Variants in RSF1 observed in about 807,000 individuals in gnomAD.
RSF1 encodes HBV pX-associated protein 8.
Under a neutral mutation model 145.2 loss-of-function variants are expected in RSF1, and 13 were observed. That is an observed-to-expected ratio of 0.09 (90% CI 0.06 to 0.14). RSF1 has a LOEUF of 0.14. Ranked by LOEUF, RSF1 falls within the 10% of genes least tolerant of loss-of-function variation. RSF1 has a pLI of 1.00. For missense variants in RSF1, 1,517 were observed against 1,718.2 expected (o/e 0.88, Z 2.07); for synonymous variants, 577 against 592.6 (o/e 0.97, Z 0.38).
At chr11:77,692,883 G>A (rs1368671377) in intron 8 of RSF1, among the ~76,000 whole-genome samples, 3 of 149,712 alleles carry the variant, frequency 2.0e-5, no homozygotes, top group East Asian at 4.0e-4. Flanking sequence ...TCACCATGTT[G>A]GCCAGGATGG....
chr11:77,683,026 C>T (rs146317026), intron 11 of RSF1, among the ~76,000 whole-genome samples: 2,876 of 152,312 alleles, frequency 0.019, 36 homozygotes, highest in Non-Finnish European at 0.028. Context: ...GGTGTGGTGG[C>T]TCATGCCTGT....
chr11:77,757,357 C>A (rs781741930), intron 2 of RSF1, among the ~76,000 whole-genome samples: 1 of 152,100 alleles, frequency 6.6e-6, no homozygotes. Flanking sequence ...AATATGGCGA[C>A]CCAATGAGGC....
At position 77,667,495 on chromosome 11, in the gene RSF1, G is replaced by A. The variant is rs1959399232; in HGVS notation, c.3752-4C>T. ...GAGTTCTTGGACAAATAGCTCTCTAGAATAAACAGCACATTTAAGCCATTG... is the reference window on the plus strand; with the variant it reads ...GAGTTCTTGGACAAATAGCTCTCTAAAATAAACAGCACATTTAAGCCATTG... On this transcript the variant is annotated splice_region_variant and splice_polypyrimidine_tract_variant and intron_variant, in intron 15 of 15. Transcript: ENST00000308488. 7 of 1,602,502 alleles carry A rather than the reference G, an allele frequency of 4.4e-6. No homozygotes were observed. Among genetic ancestry groups the A allele is most frequent in the South Asian group, 3.3e-5 (3 of 90,780 alleles).
At chr11:77,709,498 T>G (rs995693948) in intron 5 of RSF1, among the ~76,000 whole-genome samples, 1 of 152,192 alleles carries the variant, frequency 6.6e-6, no homozygotes, top group East Asian at 1.9e-4. Context: ...TAAGAGTATA[T>G]GTCAACAACT....
chr11:77,690,911 CAATAA>C (rs1960135526), intron 9 of RSF1: 1 of 496,692 alleles, frequency 2.0e-6, no homozygotes, highest in African/African-American at 1.9e-5. Context: ...TATTCACAGA[CAATAA>C]AATTTGAGTA....
chr11:77,869,312 CTTTT>C, the RSF1 span: 9 of 125,792 alleles, frequency 7.2e-5, no homozygotes, highest in Non-Finnish European at 1.3e-4. Context: ...ATCTCTTTTT[CTTTT>C]TTTTTTTTTT....
At chr11:77,745,636 T>G (rs771551949) in intron 3 of RSF1, among the ~76,000 whole-genome samples, 1 of 151,668 alleles carries the variant, frequency 6.6e-6, no homozygotes, top group African/African-American at 2.4e-5. Context: ...CTGAGACATA[T>G]GCAGTTTTCA....
upstream of RSF1, among the ~76,000 whole-genome samples, chr11:77,822,075 TA>T (rs1948935248): frequency 6.6e-6 from 1 of 152,176 alleles, no homozygotes; most frequent in South Asian, 2.1e-4. Flanking sequence ...CCGCTATATT[TA>T]TTTAGTCTAT....
intron 1 of RSF1, among the ~76,000 whole-genome samples, chr11:77,776,067 T>C (rs1039381616): frequency 2.0e-5 from 3 of 152,128 alleles, no homozygotes; most frequent in Non-Finnish European, 4.4e-5. Context: ...AAAAAGACGC[T>C]GGGCATGGTA....
In RSF1 at chr11:77,753,873, T is replaced by A. The variant is rs1258010718; in HGVS notation, c.280-6745A>T. Among the ~76,000 whole-genome samples the A allele has an allele frequency of 3.3e-5, 5 of 152,236 alleles. No individual in the cohort carries two copies. The East Asian group carries it at 9.6e-4, about 29-fold the overall frequency. On this transcript the variant is annotated intron_variant, in intron 2 of 15. Coordinates refer to ENST00000308488, the MANE Select transcript of RSF1 (RefSeq NM_016578.4). ...GTGGCTCCACGTGGACCTGCCAATC[T>A]GTGGCCCCACCCAGCAACGACCAAG...
At chr11:77,811,911 C>T (rs551121847) in intron 1 of RSF1, among the ~76,000 whole-genome samples, 2 of 152,230 alleles carry the variant, frequency 1.3e-5, no homozygotes, top group East Asian at 3.9e-4. Flanking sequence ...TGGTGGCTCA[C>T]GCCTGTAATC....
chr11:77,678,235 T>C, intron 11 of RSF1, 82 bp from the exon 12 acceptor site: 1 of 784,880 alleles, frequency 1.3e-6, no homozygotes, highest in Non-Finnish European at 1.8e-6. Flanking sequence ...TATTTATTTT[T>C]GAGACGGAGT....
the RSF1 span, among the ~76,000 whole-genome samples, chr11:77,844,467 A>T: frequency 6.6e-6 from 1 of 151,940 alleles, no homozygotes; most frequent in Non-Finnish European, 1.5e-5. Context: ...GGTGAAAGGG[A>T]TCTTCCTCCC....
upstream of RSF1, among the ~76,000 whole-genome samples, chr11:77,825,385 AT>A (rs572082009): frequency 1.2e-3 from 189 of 152,288 alleles, no homozygotes; most frequent in African/African-American, 4.3e-3. Flanking sequence ...GGATGAGCAA[AT>A]TAGGTTTATC....
chr11:77,806,464 C>T (rs1389462091), intron 1 of RSF1, among the ~76,000 whole-genome samples: 2 of 152,014 alleles, frequency 1.3e-5, no homozygotes, highest in African/African-American at 4.8e-5. Context: ...GCATCTCAGG[C>T]ACTATTATAA....
intron 6 of RSF1, among the ~76,000 whole-genome samples, chr11:77,699,362 G>T (rs763608714): frequency 2.0e-5 from 3 of 151,946 alleles, no homozygotes; most frequent in Non-Finnish European, 2.9e-5. Flanking sequence ...TTGTGTTTTA[G>T]TTTATTCCTA....
intron 4 of RSF1, among the ~76,000 whole-genome samples, chr11:77,729,895 CAAAAAAAAAAAAAAAA>C (rs398045289): frequency 3.3e-4 from 16 of 48,906 alleles, no homozygotes; most frequent in African/African-American, 8.7e-4. Flanking sequence ...ATTCAGTAGG[CAAAAAAAAAAAAAAAA>C]AAAAAAAAAA....
intron 1 of RSF1, among the ~76,000 whole-genome samples, chr11:77,806,290 G>A (rs1005790962): frequency 2.6e-5 from 4 of 151,740 alleles, no homozygotes; most frequent in African/African-American, 7.3e-5. Flanking sequence ...TCTTGGGAAA[G>A]ATAAATAAAA....
chr11:77,822,618 C>A (rs1948969823), upstream of RSF1, among the ~76,000 whole-genome samples: 1 of 151,918 alleles, frequency 6.6e-6, no homozygotes, highest in African/African-American at 2.4e-5. Context: ...GTGTATTATT[C>A]CCATTATCTA....
Sources: gnomAD v4.1 joint callset for allele counts (sites outside exome capture counted in the v4.1 genomes callset) on GRCh38, gnomAD v4.1.1 for gene constraint, MANE v1.5 for transcripts, NCBI Gene and HGNC (gene_info 2026-07-23, HGNC 2026-07-21) for gene names.